KANSL1: variants seen among roughly 807,000 people sequenced by gnomAD.
KANSL1 encodes KAT8 regulatory NSL complex subunit 1.
KANSL1 carries 22 observed loss-of-function variants against 103.6 expected under a neutral mutation model. The observed-to-expected ratio is 0.21, with a 90% CI of 0.15 to 0.30. The LOEUF is 0.30. KANSL1 is among the 10% of genes least tolerant of loss of function. The probability of loss-of-function intolerance (pLI) is 1.00; values close to 1 mark genes in which losing one functional copy is unlikely to be tolerated. For synonymous variants in KANSL1, 600 were observed against 527.6 expected (o/e 1.14, Z -1.88); for missense variants, 1,337 against 1,399.8 (o/e 0.96, Z 0.72).
intron 3 of KANSL1, among the ~76,000 whole-genome samples, chr17:46,090,987 G>A (rs2079363173): frequency 6.6e-6 from 1 of 152,178 alleles, no homozygotes; most frequent in African/African-American, 2.4e-5. Context: ...CGTTATTTTA[G>A]AGAGTACTTC....
chr17:46,130,138 G>A (rs2043779479), intron 2 of KANSL1, among the ~76,000 whole-genome samples: 1 of 141,290 alleles, frequency 7.1e-6, no homozygotes, highest in African/African-American at 2.6e-5. Context: ...AGTGAGCTGA[G>A]ATGGTGCCAC....
chr17:46,129,507 G>T (rs944473150), intron 2 of KANSL1, among the ~76,000 whole-genome samples: 11 of 152,210 alleles, frequency 7.2e-5, no homozygotes, highest in Admixed American at 6.5e-5. Flanking sequence ...CATCTGACAG[G>T]ATTACTTAAA....
At chr17:46,181,851 GTTGCTACCTCTA>G in intron 1 of KANSL1, among the ~76,000 whole-genome samples, 1 of 151,892 alleles carries the variant, frequency 6.6e-6, no homozygotes, top group South Asian at 2.1e-4. Context: ...CTTTGCCTAT[GTTGCTACCTCTA>G]CCTGGAAGGT....
At chr17:46,141,841 T>C (rs1346908153) in intron 2 of KANSL1, among the ~76,000 whole-genome samples, 2 of 152,246 alleles carry the variant, frequency 1.3e-5, no homozygotes, top group East Asian at 3.8e-4. Flanking sequence ...TACTTCCTTG[T>C]ATTATGAAAC....
chr17:46,123,743 C>G (rs62061859), intron 2 of KANSL1, among the ~76,000 whole-genome samples: 21,693 of 152,040 alleles, frequency 0.14, 2,130 homozygotes, highest in Non-Finnish European at 0.22. Context: ...ACGGAGGCTG[C>G]TTTACGAAGT....
At chr17:46,153,774 A>G (rs1295896977) in intron 2 of KANSL1, among the ~76,000 whole-genome samples, 1 of 152,242 alleles carries the variant, frequency 6.6e-6, no homozygotes, top group Non-Finnish European at 1.5e-5. Context: ...CAAAGAAGAG[A>G]GAGAAACTAA....
At chr17:46,126,866 CA>C (rs1455098081) in intron 2 of KANSL1, among the ~76,000 whole-genome samples, 1 of 152,102 alleles carries the variant, frequency 6.6e-6, no homozygotes, top group Non-Finnish European at 1.5e-5. Flanking sequence ...TACCACTCAA[CA>C]AAAATTTGCC....
intron 2 of KANSL1, chr17:46,170,133 G>A (rs1228949006): frequency 6.6e-6 from 1 of 152,438 alleles, no homozygotes; most frequent in Admixed American, 6.5e-5. Flanking sequence ...CTGGGCGACA[G>A]AGCGGAACTG....
At chr17:46,060,426 T>C (rs1314434376) in intron 6 of KANSL1, among the ~76,000 whole-genome samples, 1 of 152,212 alleles carries the variant, frequency 6.6e-6, no homozygotes, top group Non-Finnish European at 1.5e-5. Context: ...TCAAAATTTA[T>C]TTTGTATGTG....
upstream of KANSL1, among the ~76,000 whole-genome samples, chr17:46,197,097 G>C (rs1279998586): frequency 6.6e-6 from 1 of 151,906 alleles, no homozygotes; most frequent in Non-Finnish European, 1.5e-5. Flanking sequence ...CTGGGCAACA[G>C]AGCAACACCC....
intron 7 of KANSL1, chr17:46,045,179 G>A (rs917291792): frequency 6.6e-6 from 1 of 152,082 alleles, no homozygotes; most frequent in African/African-American, 2.4e-5. Flanking sequence ...TGATGTACAG[G>A]GAATCCCAAG....
At chr17:46,077,210 C>A (rs1350778111) in intron 4 of KANSL1, among the ~76,000 whole-genome samples, 2 of 152,100 alleles carry the variant, frequency 1.3e-5, no homozygotes, top group African/African-American at 4.8e-5. Flanking sequence ...CGCCCCCACA[C>A]CAGGCTCATT....
At chr17:46,099,296 C>T (rs2042210697) in intron 2 of KANSL1, among the ~76,000 whole-genome samples, 2 of 111,774 alleles carry the variant, frequency 1.8e-5, no homozygotes, top group Admixed American at 1.9e-4. Flanking sequence ...TGCACTCTCG[C>T]CTGGGCCACA....
At chr17:46,216,934 C>T (rs1226272061) in intron 1 of KANSL1, among the ~76,000 whole-genome samples, 1 of 151,820 alleles carries the variant, frequency 6.6e-6, no homozygotes, top group South Asian at 2.1e-4. Flanking sequence ...GGCAAGACCC[C>T]ATCTCTACTA....
intron 2 of KANSL1, among the ~76,000 whole-genome samples, chr17:46,115,483 C>T (rs937954830): frequency 6.6e-6 from 1 of 152,174 alleles, no homozygotes; most frequent in African/African-American, 2.4e-5. Flanking sequence ...GTCCCCACCC[C>T]CACTGTACTG....
intron 2 of KANSL1, among the ~76,000 whole-genome samples, chr17:46,141,307 G>T (rs1480641106): frequency 1.3e-5 from 2 of 152,162 alleles, no homozygotes; most frequent in Non-Finnish European, 2.9e-5. Context: ...CTATCCCACA[G>T]AGCAAAATCC....
intron 1 of KANSL1, among the ~76,000 whole-genome samples, chr17:46,219,250 T>TTAA (rs71262051): frequency 4.4e-5 from 6 of 135,314 alleles, no homozygotes; most frequent in Non-Finnish European, 6.3e-5. Context: ...TCTTGTCTCA[T>TTAA]AAAAAAAAAA....
In KANSL1 at chr17:46,166,597, G is replaced by T. The variant is rs2046013711; in HGVS notation, c.1289+4258C>A. The stretch of plus-strand genomic sequence containing the variant: ...TTCAAATAAGCGCTTTAGTGTCACT[G>T]AACTGCATCCATAGTCTATTTTTAC... On this transcript the variant is annotated intron_variant, in intron 2 of 14. Transcript: ENST00000432791. 1.3e-5 allele frequency among the ~76,000 whole-genome samples: 2 copies of T among 152,182 alleles called. 1 individual carries two copies. The highest frequency in any genetic ancestry group is 4.1e-4 in the South Asian group (2 of 4,822).
chr17:46,170,428 A>C (rs1597868949), intron 2 of KANSL1: 2 of 188,428 alleles, frequency 1.1e-5, no homozygotes, highest in Middle Eastern at 2.2e-3. Context: ...ATCAAAAGCA[A>C]CTGTAATTTC....
Sources: allele counts gnomAD v4.1 joint callset (sites outside exome capture counted in the v4.1 genomes callset), GRCh38; gene constraint gnomAD v4.1.1; transcripts MANE v1.5; gene names NCBI Gene and HGNC (gene_info 2026-07-23, HGNC 2026-07-21).